Variants in KIAA0825 observed in about 807,000 individuals in gnomAD.
KIAA0825 encodes the protein uncharacterized protein KIAA0825.
In KIAA0825, 119 loss-of-function variants were observed where a neutral mutation model predicts 147.6. The ratio of observed to expected loss-of-function variants is 0.81; its 90% confidence interval spans 0.69 to 0.94. KIAA0825 has a LOEUF of 0.94. KIAA0825 is among the 40% of genes least tolerant of loss of function. The probability of loss-of-function intolerance (pLI) is 0.00; values close to 1 mark genes in which losing one functional copy is unlikely to be tolerated. For synonymous variants in KIAA0825, 470 were observed against 518.1 expected, an observed-to-expected ratio of 0.91 and a Z score of 1.26; for missense variants, 1,381 against 1,472.7, an observed-to-expected ratio of 0.94 and a Z score of 1.02.
chr5:94,545,776 G>T (rs905504835), intron 2 of KIAA0825, among the ~76,000 whole-genome samples: 2 of 152,306 alleles, frequency 1.3e-5, no homozygotes, highest in East Asian at 3.9e-4. Flanking sequence ...GTGAAACCTT[G>T]CATATTCCCA....
chr5:94,427,940 C>T (rs1176313209), intron 14 of KIAA0825, among the ~76,000 whole-genome samples: 1 of 152,122 alleles, frequency 6.6e-6, no homozygotes, highest in Non-Finnish European at 1.5e-5. Flanking sequence ...TTCAATTGAA[C>T]TCTTTGTCAT....
chr5:94,601,060 G>A (rs577180638), intron 1 of KIAA0825, among the ~76,000 whole-genome samples: 8 of 152,126 alleles, frequency 5.3e-5, no homozygotes, highest in South Asian at 2.1e-4. Context: ...AAAGAGTACC[G>A]CAGCACAGCA....
intron 13 of KIAA0825, among the ~76,000 whole-genome samples, chr5:94,440,998 G>A (rs1167276055): frequency 6.6e-6 from 1 of 152,120 alleles, no homozygotes; most frequent in African/African-American, 2.4e-5. Flanking sequence ...GGCGGCACAG[G>A]GAAGGGAAGG....
intron 2 of KIAA0825, among the ~76,000 whole-genome samples, chr5:94,579,022 C>T (rs755451341): frequency 6.6e-6 from 1 of 152,124 alleles, no homozygotes; most frequent in South Asian, 2.1e-4. Context: ...TGGGTTCAAG[C>T]GATTCTCCTG....
chr5:94,327,480 G>T (rs1003025337), intron 20 of KIAA0825, among the ~76,000 whole-genome samples: 4 of 152,042 alleles, frequency 2.6e-5, no homozygotes, highest in Admixed American at 2.0e-4. Context: ...TCCACAATGA[G>T]AAATCGTGAC....
At chr5:94,605,748 T>G (rs1186352026) in intron 1 of KIAA0825, among the ~76,000 whole-genome samples, 1 of 152,126 alleles carries the variant, frequency 6.6e-6, no homozygotes, top group East Asian at 1.9e-4. Flanking sequence ...ATAAACAAGG[T>G]ATTGAAGGAA....
chr5:94,502,105 G>C (rs1236295665), intron 5 of KIAA0825, among the ~76,000 whole-genome samples: 1 of 152,056 alleles, frequency 6.6e-6, no homozygotes, highest in Non-Finnish European at 1.5e-5. Context: ...TATTAACAGG[G>C]ATTACTTTAG....
chr5:94,504,220 A>ATTTG (rs1301097368), intron 5 of KIAA0825, among the ~76,000 whole-genome samples: 2 of 152,196 alleles, frequency 1.3e-5, no homozygotes, highest in African/African-American at 4.8e-5. Flanking sequence ...TATAAGAATA[A>ATTTG]AGGCTGTCTT....
At chr5:94,361,318 A>G (rs931243360) in intron 20 of KIAA0825, among the ~76,000 whole-genome samples, 4 of 152,208 alleles carry the variant, frequency 2.6e-5, no homozygotes, top group African/African-American at 7.2e-5. Context: ...GCCATCTCTC[A>G]TGATAAATCC....
chr5:94,243,192 T>A (rs1237881892), intron 20 of KIAA0825, among the ~76,000 whole-genome samples: 2 of 152,232 alleles, frequency 1.3e-5, no homozygotes, highest in Non-Finnish European at 2.9e-5. Context: ...CAGTGAATGT[T>A]CATCAAATTC....
Position 94,367,289 on chromosome 5 carries a change from G to T in KIAA0825, c.3710+17079C>A, listed in dbSNP as rs1746002015. 2.0e-5 allele frequency among the ~76,000 whole-genome samples: 3 copies of T among 152,156 alleles called. No homozygotes were observed. The South Asian group carries it at 6.2e-4, about 32-fold the overall frequency. Reference sequence around the variant, plus strand: ...AGGCGGGTGGATCACCCGAGGTGAGGAGTTTGAGGCCAGCCTGGCCAACAT... The same window carrying T: ...AGGCGGGTGGATCACCCGAGGTGAGTAGTTTGAGGCCAGCCTGGCCAACAT... On this transcript the variant is annotated intron_variant, in intron 20 of 20. Coordinates refer to ENST00000682413, the MANE Select transcript of KIAA0825 (RefSeq NM_001145678.3).
intron 20 of KIAA0825, among the ~76,000 whole-genome samples, chr5:94,197,872 G>C (rs1771286710): frequency 1.3e-5 from 2 of 152,166 alleles, no homozygotes; most frequent in African/African-American, 4.8e-5. Flanking sequence ...GGTTACCATA[G>C]CATTGTAATA....
intron 20 of KIAA0825, among the ~76,000 whole-genome samples, chr5:94,327,013 CTA>C (rs1248841249): frequency 2.6e-5 from 4 of 152,128 alleles, no homozygotes; most frequent in Non-Finnish European, 5.9e-5. Context: ...ACATTTAAAA[CTA>C]TAGAGAAAAA....
chr5:94,152,242 A>T lies in KIAA0825; in HGVS notation c.*1765T>A, dbSNP rs771912678. On this transcript the variant is annotated 3_prime_UTR_variant, in exon 21 of 21. Transcript: ENST00000682413. ...CTGCACCCCAAGCTTTTACTCTTTG[A>T]AAAATGCATGAGTACTTTCCTTTGG... is the stretch of plus-strand genomic sequence containing the variant. 1.5e-4 allele frequency among the ~76,000 whole-genome samples: 23 copies of T among 152,214 alleles called. No homozygotes were observed. Among genetic ancestry groups the T allele is most frequent in the Non-Finnish European group, 3.1e-4 (21 of 68,040 alleles).
chr5:94,525,603 A>C (rs1562594369), intron 3 of KIAA0825, among the ~76,000 whole-genome samples: 1 of 151,930 alleles, frequency 6.6e-6, no homozygotes, highest in African/African-American at 2.4e-5. Context: ...ACAGAGAAAC[A>C]CAATGCCCTA....
Position 94,520,189 on chromosome 5 carries a change from A to C in KIAA0825, c.970+59T>G, listed in dbSNP as rs937225496. On this transcript the variant is annotated intron_variant, in intron 5 of 20. Coordinates refer to ENST00000682413, the MANE Select transcript of KIAA0825 (RefSeq NM_001145678.3). ...TTAACCAAATAGAAAACATCTTAGAAAATTAAACATATTAAAAGACTTAAG... is the reference window on the plus strand; with the variant it reads ...TTAACCAAATAGAAAACATCTTAGACAATTAAACATATTAAAAGACTTAAG... 4 of 1,445,460 alleles carry C rather than the reference A, an allele frequency of 2.8e-6. No homozygotes were observed. The African/African-American group carries it at 5.7e-5, about 21-fold the overall frequency. 89.5% of individuals were successfully genotyped at this position (1,445,460 alleles called of 1,614,324 possible). A position where few individuals can be genotyped will look rare whatever the true frequency, so the allele number is the denominator to read the frequency against.
At chr5:94,320,491 C>A (rs1584104029) in intron 20 of KIAA0825, among the ~76,000 whole-genome samples, 1 of 151,162 alleles carries the variant, frequency 6.6e-6, no homozygotes, top group East Asian at 2.0e-4. Context: ...TCACCACCAC[C>A]CCACACCCCT....
Position 94,392,690 on chromosome 5 carries a change from A to G in KIAA0825, c.3297-996T>C, listed in dbSNP as rs1250384096. On this transcript the variant is annotated intron_variant, in intron 17 of 20. Transcript: ENST00000682413. The stretch of plus-strand genomic sequence containing the variant: ...TGCAGTTCATTACTGAGATTTTGCC[A>G]TGATTATAAAATTAGTTCTGCTAAG... 2.0e-5 allele frequency among the ~76,000 whole-genome samples: 3 copies of G among 152,270 alleles called. 1 individual carries two copies. In the South Asian group the frequency reaches 6.2e-4, roughly 32 times the overall value.
chr5:94,571,541 T>C (rs546159549), intron 2 of KIAA0825, among the ~76,000 whole-genome samples: 4 of 152,342 alleles, frequency 2.6e-5, no homozygotes, highest in African/African-American at 9.6e-5. Context: ...TTGATCTAAA[T>C]GAAGTCATGC....
Sources: gnomAD v4.1 joint callset for allele counts (sites outside exome capture counted in the v4.1 genomes callset) on GRCh38, gnomAD v4.1.1 for gene constraint, MANE v1.5 for transcripts, NCBI Gene and HGNC (gene_info 2026-07-23, HGNC 2026-07-21) for gene names.